Variants in PRR5 observed in about 807,000 individuals in gnomAD.
PRR5 encodes the protein proline-rich protein 5.
In PRR5, 25 loss-of-function variants were observed where a neutral mutation model predicts 30.6. The observed-to-expected ratio is 0.82, with a 90% confidence interval of 0.60 to 1.14. The LOEUF is 1.14. Among genes scored for constraint, PRR5 ranks in the 50% most tolerant of loss-of-function variants. PRR5 has a pLI of 0.00. For missense variants in PRR5, 600 were observed against 547.1 expected, an observed-to-expected ratio of 1.10 and a Z score of -0.96; for synonymous variants, 286 against 247.1, an observed-to-expected ratio of 1.16 and a Z score of -1.48.
intron 3 of PRR5, among the ~76,000 whole-genome samples, chr22:44,726,165 G>A (rs958544568): frequency 9.9e-5 from 15 of 152,206 alleles, no homozygotes; most frequent in African/African-American, 2.2e-4. Context: ...GTTCTTGGCC[G>A]AGCCACCCCA....
chr22:44,703,057 T>G (rs1057161906), intron 1 of PRR5, among the ~76,000 whole-genome samples: 1 of 152,216 alleles, frequency 6.6e-6, no homozygotes, highest in Admixed American at 6.5e-5. Context: ...TTAAGCTCCC[T>G]TCGGCTTTCC....
intron 6 of PRR5, chr22:44,734,555 A>C: frequency 6.5e-6 from 1 of 154,670 alleles, no homozygotes; most frequent in Non-Finnish European, 1.4e-5. Flanking sequence ...GGCGTGAGCC[A>C]GTGATGGGAA....
chr22:44,711,201 A>T (rs1383612729), intron 1 of PRR5, among the ~76,000 whole-genome samples: 1 of 152,158 alleles, frequency 6.6e-6, no homozygotes, highest in Non-Finnish European at 1.5e-5. Context: ...GTGCGGCCAG[A>T]GTGTGAGGCC....
At chr22:44,677,430 G>A (rs1327033603) in intron 1 of PRR5, among the ~76,000 whole-genome samples, 2 of 152,214 alleles carry the variant, frequency 1.3e-5, no homozygotes, top group African/African-American at 2.4e-5. Context: ...CAGGACTAGG[G>A]TGTCTGTCCG....
rs1159077403 is a variant in PRR5, at chr22:44,702,222, G to T, written c.-253G>T. ...CGCCCCCGGCCTCCGTTTGCGCCGG[G>T]TCTGTGCTGGCCGCGCGCCTGGCGC... On this transcript the variant is annotated 5_prime_UTR_variant, in exon 1 of 8. Coordinates refer to ENST00000336985, the MANE Select transcript of PRR5 (RefSeq NM_181333.4). The T allele has an allele frequency of 5.5e-6, 6 of 1,092,982 alleles. No homozygotes were observed. In the African/African-American group the frequency reaches 6.8e-5, roughly 12 times the overall value. The allele number at this position is 1,092,982 out of a possible 1,614,324, so 67.7% of individuals were successfully genotyped here. A position where few individuals can be genotyped will look rare whatever the true frequency, so the allele number is the denominator to read the frequency against.
chr22:44,675,141 T>C (rs562236032), upstream of PRR5, among the ~76,000 whole-genome samples: 80 of 149,632 alleles, frequency 5.3e-4, no homozygotes, highest in Non-Finnish European at 9.2e-4. Context: ...TCCCAGCTAC[T>C]CAGGAGGCTG....
At chr22:44,685,466 T>C (rs1208768295) in intron 1 of PRR5, among the ~76,000 whole-genome samples, 1 of 152,204 alleles carries the variant, frequency 6.6e-6, no homozygotes, top group African/African-American at 2.4e-5. Context: ...GGATGCTCCA[T>C]AGAGAAGGGC....
chr22:44,721,097 C>A (rs77697711), intron 2 of PRR5, among the ~76,000 whole-genome samples: 14,164 of 152,238 alleles, frequency 0.093, 773 homozygotes, highest in East Asian at 0.24. Context: ...CAGTTGACCC[C>A]CGGGACCCTC....
chr22:44,735,185 G>C (rs774896082), intron 7 of PRR5, 23 bp downstream of exon 7: 1 of 1,606,740 alleles, frequency 6.2e-7, no homozygotes, highest in South Asian at 1.1e-5. Context: ...CTGGGCCTTG[G>C]GCTGGGGCAG....
chr22:44,688,727 C>T (rs1345069486), intron 1 of PRR5, among the ~76,000 whole-genome samples: 1 of 152,112 alleles, frequency 6.6e-6, no homozygotes, highest in Non-Finnish European at 1.5e-5. Flanking sequence ...GTGGCTCACG[C>T]CTGTAATTCC....
upstream of PRR5, among the ~76,000 whole-genome samples, chr22:44,673,717 C>G (rs1199046029): frequency 1.3e-5 from 2 of 152,080 alleles, no homozygotes; most frequent in Non-Finnish European, 2.9e-5. Flanking sequence ...GGTGATGGTC[C>G]TTGGTAAATA....
chr22:44,672,477 G>A (rs545583868), upstream of PRR5, among the ~76,000 whole-genome samples: 6 of 152,244 alleles, frequency 3.9e-5, no homozygotes, highest in East Asian at 1.9e-4. Flanking sequence ...CCAGCTACTC[G>A]GGAGGCTGAG....
chr22:44,731,928 C>G (rs1922063544), intron 5 of PRR5, 107 bp downstream of exon 5: 1 of 935,124 alleles, frequency 1.1e-6, no homozygotes, highest in Non-Finnish European at 1.5e-6. Flanking sequence ...CACACCTGCT[C>G]TGCTCTGTGC....
At chr22:44,704,802 G>A (rs1926925034) in intron 1 of PRR5, among the ~76,000 whole-genome samples, 1 of 152,088 alleles carries the variant, frequency 6.6e-6, no homozygotes, top group South Asian at 2.1e-4. Flanking sequence ...ATGCAGCAGA[G>A]CCTGCGCCCC....
intron 1 of PRR5, among the ~76,000 whole-genome samples, chr22:44,692,592 C>G (rs954489797): frequency 6.6e-6 from 1 of 152,188 alleles, no homozygotes; most frequent in African/African-American, 2.4e-5. Flanking sequence ...CGGGGCTCCT[C>G]CTCCCAGGGC....
chr22:44,698,849 C>T (rs1365256465), upstream of PRR5, among the ~76,000 whole-genome samples: 1 of 152,174 alleles, frequency 6.6e-6, no homozygotes, highest in African/African-American at 2.4e-5. Context: ...CGCCCTTTGT[C>T]CCCCAGTTGC....
At position 44,731,764 on chromosome 22, in the gene PRR5, G is replaced by C. The variant is rs1922018434; in HGVS notation, c.357G>C (p.Trp119Cys). 1 of 1,613,668 alleles carries C rather than the reference G, an allele frequency of 6.2e-7. No individual in the cohort carries two copies. Among genetic ancestry groups the C allele is most frequent in the African/African-American group, 1.3e-5 (1 of 74,932 alleles). ...QKLLDSLAETWDFFFSDVLPM... is the reference protein window; with the variant it reads ...QKLLDSLAETCDFFFSDVLPM... ...TGCTGGACTCACTGGCAGAGACCTG[G>C]GACTTCTTCTTCAGTGACGTGCTGC... is the stretch of plus-strand genomic sequence containing the variant. The change falls in exon 5 of 8, where the codon TGG becomes TGC. Residue 119 changes from tryptophan (W) to cysteine (C), a missense_variant. By Grantham distance (215) the Trp-to-Cys change is radical. Transcript: ENST00000336985.
chr22:44,720,892 G>A (rs1033716045), intron 2 of PRR5, among the ~76,000 whole-genome samples: 1 of 152,196 alleles, frequency 6.6e-6, no homozygotes, highest in Admixed American at 6.5e-5. Context: ...GGTGGCCAGT[G>A]GGTTGGAGCC....
At chr22:44,725,132 G>A in intron 2 of PRR5, 112 bp from the exon 3 acceptor site, 2 of 1,505,180 alleles carry the variant, frequency 1.3e-6, no homozygotes, top group Non-Finnish European at 1.8e-6. Flanking sequence ...TTTTTGGGCT[G>A]GCTGAGCATG....
Sources: allele counts gnomAD v4.1 joint callset (sites outside exome capture counted in the v4.1 genomes callset), GRCh38; gene constraint gnomAD v4.1.1; transcripts MANE v1.5; gene names NCBI Gene and HGNC (gene_info 2026-07-23, HGNC 2026-07-21).